The following DNAH5 variants were observed in gnomAD, a reference collection of about 807,000 sequenced individuals.
The protein encoded by DNAH5 is dynein axonemal heavy chain 5, also known as axonemal beta dynein heavy chain 5.
A neutral mutation model predicts 518.2 loss-of-function variants in DNAH5; 372 were observed. The observed-to-expected ratio is 0.72, with a 90% CI of 0.66 to 0.78. DNAH5 has a LOEUF of 0.78. Ranked by LOEUF, DNAH5 falls within the 30% of genes least tolerant of loss-of-function variation. DNAH5 has a pLI of 0.00. For missense variants in DNAH5, 5,523 were observed against 5,687.0 expected (o/e 0.97, Z 0.93); for synonymous variants, 2,039 against 2,025.9 (o/e 1.01, Z -0.17).
chr5:14,000,958 T>C (rs1784310947), intron 1 of DNAH5, among the ~76,000 whole-genome samples: 1 of 152,108 alleles, frequency 6.6e-6, no homozygotes, highest in African/African-American at 2.4e-5. Context: ...GAATACTACA[T>C]AGCCATTAAA....
At chr5:13,810,744 A>G (rs528876023) in intron 44 of DNAH5, among the ~76,000 whole-genome samples, 1 of 148,332 alleles carries the variant, frequency 6.7e-6, no homozygotes, top group East Asian at 2.1e-4. Flanking sequence ...ACAGTGCGAG[A>G]CTCCATGTCA....
chr5:13,824,552 A>C (rs1762649397), intron 38 of DNAH5, among the ~76,000 whole-genome samples: 1 of 152,234 alleles, frequency 6.6e-6, no homozygotes, highest in Non-Finnish European at 1.5e-5. Flanking sequence ...CATTAGCTTA[A>C]GCCCTTAGAT....
intron 1 of DNAH5, among the ~76,000 whole-genome samples, chr5:13,951,102 A>G (rs1780358661): frequency 6.7e-6 from 1 of 150,106 alleles, no homozygotes; most frequent in African/African-American, 2.5e-5. Context: ...ATATTTTTCC[A>G]CTTCACACAC....
At chr5:13,914,414 T>C in intron 10 of DNAH5, 106 bp downstream of exon 10, 1 of 1,320,070 alleles carries the variant, frequency 7.6e-7, no homozygotes, top group Non-Finnish European at 1.0e-6. Context: ...AGAATCACTG[T>C]TCTTTTTATC....
rs146976503 is a variant in DNAH5 at position 13,820,399 on chromosome 5, G to C, written c.6788C>G (p.Pro2263Arg). The stretch of plus-strand genomic sequence containing the variant: ...GCAGGTGGTCTTCCCAGCCCCACTG[G>C]GCCCCAGAGTCATCATCCCATGTCG... ...RVRHGMMTLGPSGAGKTTCIH... is the reference protein window; with the variant it reads ...RVRHGMMTLGRSGAGKTTCIH... Residue 2263 changes from proline to arginine, a missense_variant, in exon 41 of 79, where the codon CCC becomes CGC. Around this residue, in one of 3 missense-constraint regions of DNAH5, gnomAD observed 5,121 missense variants for 5,223.3 expected, o/e 0.98. Transcript: ENST00000265104. The C allele has an allele frequency of 3.1e-6, 5 of 1,610,390 alleles. No individual in the cohort carries two copies. The African/African-American group carries it at 5.4e-5, about 17-fold the overall frequency.
intron 78 of DNAH5, among the ~76,000 whole-genome samples, chr5:13,699,248 C>T (rs2126392561): frequency 6.6e-6 from 1 of 152,308 alleles, no homozygotes; most frequent in South Asian, 2.1e-4. Context: ...TTCTGAGCAC[C>T]TCTTTTGTAA....
At chr5:13,846,612 A>G (rs1766042269) in intron 31 of DNAH5, among the ~76,000 whole-genome samples, 1 of 152,166 alleles carries the variant, frequency 6.6e-6, no homozygotes, top group Non-Finnish European at 1.5e-5. Context: ...AAAAAGGCAA[A>G]GAAAAGAAGG....
intron 1 of DNAH5, among the ~76,000 whole-genome samples, chr5:13,958,903 A>AGC (rs1780957600): frequency 6.6e-6 from 1 of 152,174 alleles, no homozygotes; most frequent in Non-Finnish European, 1.5e-5. Flanking sequence ...AAGCTCCTAC[A>AGC]ATGTTATGTC....
intron 70 of DNAH5, among the ~76,000 whole-genome samples, chr5:13,722,081 A>G (rs1745128879): frequency 6.6e-6 from 1 of 152,132 alleles, no homozygotes; most frequent in Non-Finnish European, 1.5e-5. Flanking sequence ...ATTCTCCACA[A>G]TAATCATTTT....
chr5:13,859,521 C>A lies in DNAH5; in HGVS notation c.4881G>T (p.Thr1627=), dbSNP rs751858022. 1.2e-6 allele frequency: 2 copies of A among 1,614,026 alleles called. No homozygotes were observed. The highest frequency in any genetic ancestry group is 1.7e-6 in the Non-Finnish European group (2 of 1,179,972). ...NSTDIIESWM[T]VQNLWIYLEA... is the part of the protein sequence containing the mutation. ...CTAAATAAATCCACAGGTTTTGCAC[C>A]GTCATCCAGCTCTCGATGATGTCTG... Residue 1627 remains threonine, a synonymous_variant, in exon 30 of 79, where the codon ACG becomes ACT. Coordinates refer to ENST00000265104, the MANE Select transcript of DNAH5 (RefSeq NM_001369.3).
upstream of DNAH5, among the ~76,000 whole-genome samples, chr5:13,945,600 A>G (rs1274839083): frequency 1.3e-5 from 2 of 151,928 alleles, no homozygotes; most frequent in East Asian, 3.9e-4. Context: ...GTTTGTTTGC[A>G]GGATTTTTTT....
Position 13,973,096 on chromosome 5 carries a change from G to A in DNAH5, c.12+38552C>T, listed in dbSNP as rs568466738. Among the ~76,000 whole-genome samples, 8 of 152,300 alleles carry A rather than the reference G, an allele frequency of 5.3e-5. No individual in the cohort carries two copies. The South Asian group carries it at 1.7e-3, about 32-fold the overall frequency. ...CCTGGATTATCCAGGTGGGCCCAAT[G>A]TAATCACAAGGATCTCCATAAGTGG... On this transcript the variant is annotated intron_variant, in intron 1 of 78. Transcript: ENST00000681290.
chr5:13,885,089 A>G lies in DNAH5; in HGVS notation c.2883T>C (p.His961=). 1 of 1,614,258 alleles carries G rather than the reference A, an allele frequency of 6.2e-7. No homozygotes were observed. Among genetic ancestry groups the G allele is most frequent in the South Asian group, 1.1e-5 (1 of 91,088 alleles). The change falls in exon 19 of 79, where the codon CAT becomes CAC. Residue 961 remains histidine (H), a synonymous_variant. Transcript: ENST00000265104. The stretch of plus-strand genomic sequence containing the variant: ...GAGCATCCATGTTCTGATGGTTGAA[A>G]TGAGAGAGTAACTCGCGGGCTTCTT... The part of the protein sequence containing the change: ...LGEEARELLS[H]FNHQNMDALL...
intron 1 of DNAH5, among the ~76,000 whole-genome samples, chr5:13,989,188 A>G (rs1303187754): frequency 1.3e-5 from 2 of 152,142 alleles, no homozygotes. Context: ...TATTGTGATA[A>G]CAACAGTGGG....
intron 1 of DNAH5, among the ~76,000 whole-genome samples, chr5:13,958,106 AT>A (rs201666843): frequency 6.7e-5 from 10 of 149,464 alleles, no homozygotes; most frequent in African/African-American, 7.3e-5. Context: ...TATTTAGCCA[AT>A]TTTTTTTTTA....
chr5:13,862,853 A>ATATATATATATATATATATAT (rs55675172), intron 28 of DNAH5, 106 bp from the exon 29 acceptor site: 3 of 299,636 alleles, frequency 1.0e-5, no homozygotes, highest in African/African-American at 6.8e-5. Flanking sequence ...TATATATATA[A>ATATATATATATATATATATAT]ATATATATAT....
chr5:13,864,685 C>T, intron 27 of DNAH5, 48 bp from the exon 28 acceptor site: 1 of 1,605,974 alleles, frequency 6.2e-7, no homozygotes, highest in South Asian at 1.1e-5. Context: ...TGATGGTAGA[C>T]ATCACTGGAC....
At position 13,769,100 on chromosome 5, in the gene DNAH5, C is replaced by T; in HGVS notation, c.9757G>A (p.Glu3253Lys). ...KEVTMKAQAA[E>K]KVKAEVQKVK... The stretch of plus-strand genomic sequence containing the variant: ...TTCTGTACCTCAGCCTTGACCTTTT[C>T]AGCAGCCTGTGCTTTCATTGTCACT... Residue 3253 changes from glutamate to lysine, a missense_variant, in exon 58 of 79, where the codon GAA becomes AAA. Physicochemically the swap from Glu to Lys is moderately conservative, Grantham distance 56. Coordinates refer to ENST00000265104, the MANE Select transcript of DNAH5 (RefSeq NM_001369.3). 1 of 1,614,222 alleles carries T rather than the reference C, an allele frequency of 6.2e-7. No homozygotes were observed. The highest frequency in any genetic ancestry group is 8.5e-7 in the Non-Finnish European group (1 of 1,180,042).
intron 50 of DNAH5, among the ~76,000 whole-genome samples, chr5:13,791,034 A>G (rs534304302): frequency 7.2e-5 from 11 of 152,236 alleles, no homozygotes; most frequent in African/African-American, 2.2e-4. Context: ...ATGTTTACCT[A>G]TGGAACAAAC....
Sources: gnomAD v4.1 joint callset for allele counts (sites outside exome capture counted in the v4.1 genomes callset) on GRCh38, gnomAD v4.1.1 for gene constraint, gnomAD v4.1.1 regional missense constraint, MANE v1.5 for transcripts, NCBI Gene and HGNC (gene_info 2026-07-23, HGNC 2026-07-21) for gene names.